The following NXPH1 variants were observed in gnomAD, a reference collection of about 807,000 sequenced individuals.
NXPH1 encodes neurexophilin-1.
Under a neutral mutation model 23.7 loss-of-function variants are expected in NXPH1, and 5 were observed. The observed-to-expected ratio is 0.21, with a 90% CI of 0.11 to 0.44. The LOEUF is 0.44. NXPH1 is among the 20% of genes least tolerant of loss of function. The pLI, the probability that NXPH1 is intolerant of heterozygous loss-of-function variation, is 0.99. For missense variants in NXPH1, 324 were observed against 321.6 expected (o/e 1.01, Z -0.06); for synonymous variants, 144 against 122.2 (o/e 1.18, Z -1.18).
intron 2 of NXPH1, 29 bp from the exon 3 acceptor site, chr7:8,750,979 T>C (rs576783631): frequency 6.2e-7 from 1 of 1,608,304 alleles, no homozygotes; most frequent in Admixed American, 1.7e-5. Context: ...TGCAGAGATG[T>C]AAATGCCATT....
chr7:8,504,265 A>G (rs1817486276), intron 2 of NXPH1, among the ~76,000 whole-genome samples: 1 of 151,938 alleles, frequency 6.6e-6, no homozygotes, highest in Non-Finnish European at 1.5e-5. Context: ...CCACCCTATT[A>G]TTAGATCACA....
intron 2 of NXPH1, among the ~76,000 whole-genome samples, chr7:8,446,312 T>C (rs1280625939): frequency 1.3e-5 from 2 of 152,194 alleles, no homozygotes; most frequent in African/African-American, 4.8e-5. Flanking sequence ...TGAAAGTGAT[T>C]GTAAGAGTCC....
At chr7:8,451,826 T>C (rs1430723135) in intron 2 of NXPH1, among the ~76,000 whole-genome samples, 2 of 152,252 alleles carry the variant, frequency 1.3e-5, no homozygotes, top group Non-Finnish European at 2.9e-5. Context: ...TCATGAGCTA[T>C]GAAAGATTGC....
intron 2 of NXPH1, among the ~76,000 whole-genome samples, chr7:8,448,815 G>C (rs537057702): frequency 8.8e-5 from 8 of 91,084 alleles, no homozygotes; most frequent in African/African-American, 1.4e-4. Context: ...ACTTCGTCTC[G>C]GGGAAAAAAA....
chr7:8,640,819 G>C (rs1431321903), intron 2 of NXPH1, among the ~76,000 whole-genome samples: 1 of 152,024 alleles, frequency 6.6e-6, no homozygotes, highest in Non-Finnish European at 1.5e-5. Context: ...TAGCCAGGGT[G>C]GTGGCGAGCC....
intron 2 of NXPH1, among the ~76,000 whole-genome samples, chr7:8,735,627 G>T (rs1222771779): frequency 2.6e-5 from 4 of 152,238 alleles, no homozygotes; most frequent in Admixed American, 6.5e-5. Flanking sequence ...GCCAGGTTTT[G>T]GTACCAGGAT....
At chr7:8,623,511 A>T (rs1819920499) in intron 2 of NXPH1, among the ~76,000 whole-genome samples, 1 of 152,068 alleles carries the variant, frequency 6.6e-6, no homozygotes, top group Non-Finnish European at 1.5e-5. Flanking sequence ...AGAGTAATTA[A>T]CTACAAACAC....
At chr7:8,642,955 C>T (rs1820341762) in intron 2 of NXPH1, among the ~76,000 whole-genome samples, 1 of 152,032 alleles carries the variant, frequency 6.6e-6, no homozygotes, top group Non-Finnish European at 1.5e-5. Flanking sequence ...ACCTCCATCT[C>T]CTGGGTTCAA....
chr7:8,704,477 A>G, intron 2 of NXPH1, among the ~76,000 whole-genome samples: 1 of 152,108 alleles, frequency 6.6e-6, no homozygotes, highest in East Asian at 1.9e-4. Flanking sequence ...CCCAGAAGTC[A>G]CTCTCTTCTA....
chr7:8,605,123 C>A (rs536755624), intron 2 of NXPH1, among the ~76,000 whole-genome samples: 46 of 152,008 alleles, frequency 3.0e-4, no homozygotes, highest in Non-Finnish European at 4.9e-4. Flanking sequence ...TTCTTAATTA[C>A]TAGATTCCTA....
chr7:8,722,805 T>C (rs933247037), intron 2 of NXPH1, among the ~76,000 whole-genome samples: 2 of 152,204 alleles, frequency 1.3e-5, no homozygotes, highest in African/African-American at 4.8e-5. Flanking sequence ...CCTAACCATC[T>C]TGATAGCCTT....
chr7:8,647,221 C>A (rs1032740678), intron 2 of NXPH1, among the ~76,000 whole-genome samples: 1 of 152,214 alleles, frequency 6.6e-6, no homozygotes, highest in Non-Finnish European at 1.5e-5. Flanking sequence ...AACCCTGACC[C>A]TCAGGCCCAC....
chr7:8,591,918 T>C (rs1283686436), intron 2 of NXPH1, among the ~76,000 whole-genome samples: 2 of 151,720 alleles, frequency 1.3e-5, no homozygotes, highest in African/African-American at 4.8e-5. Context: ...TGTTGTCCTT[T>C]AATGGTGACC....
In NXPH1 at chr7:8,568,602, C is replaced by T. The variant is rs113704501; in HGVS notation, c.54+132835C>T. 1.6e-3 allele frequency among the ~76,000 whole-genome samples: 218 copies of T among 136,678 alleles called. 1 individual carries two copies. Among genetic ancestry groups the T allele is most frequent in the African/African-American group, 5.5e-3 (207 of 37,666 alleles). 89.7% of individuals were successfully genotyped at this position (136,678 alleles called of 152,430 possible). On this transcript the variant is annotated intron_variant, in intron 2 of 2. Transcript: ENST00000405863. ...ATGCTTTGATCAAGCAATATGTCAT[C>T]AAATATCCCTTACATAATGCATAAA...
At chr7:8,717,284 G>T (rs1206810076) in intron 2 of NXPH1, among the ~76,000 whole-genome samples, 1 of 151,996 alleles carries the variant, frequency 6.6e-6, no homozygotes, top group Non-Finnish European at 1.5e-5. Context: ...TAATAAGAGT[G>T]GTATTTTGGT....
chr7:8,477,544 T>C (rs6944769), intron 2 of NXPH1, among the ~76,000 whole-genome samples: 72,979 of 151,978 alleles, frequency 0.48, 18,159 homozygotes, highest in East Asian at 0.78. Context: ...GAGAGAGCTA[T>C]GTAATTAAAA....
chr7:8,536,136 G>C (rs992697797), intron 2 of NXPH1, among the ~76,000 whole-genome samples: 1 of 152,014 alleles, frequency 6.6e-6, no homozygotes, highest in Non-Finnish European at 1.5e-5. Flanking sequence ...AGAGTGCTAA[G>C]ATCATGTTGC....
At chr7:8,544,016 TAGAA>T (rs547605383) in intron 2 of NXPH1, among the ~76,000 whole-genome samples, 33 of 151,668 alleles carry the variant, frequency 2.2e-4, no homozygotes, top group Non-Finnish European at 3.4e-4. Flanking sequence ...TACAGTTAAT[TAGAA>T]AGAGAGCTAC....
At chr7:8,532,232 C>T (rs1817958630) in intron 2 of NXPH1, among the ~76,000 whole-genome samples, 1 of 152,080 alleles carries the variant, frequency 6.6e-6, no homozygotes, top group Non-Finnish European at 1.5e-5. Flanking sequence ...CAATCTGGCA[C>T]CCAGGCTGAA....
Sources: gnomAD v4.1 joint callset for allele counts (sites outside exome capture counted in the v4.1 genomes callset) on GRCh38, gnomAD v4.1.1 for gene constraint, MANE v1.5 for transcripts, NCBI Gene and HGNC (gene_info 2026-07-23, HGNC 2026-07-21) for gene names.